ZCCHC14: variants seen among roughly 807,000 people sequenced by gnomAD.
The protein encoded by ZCCHC14 is zinc finger CCHC-type containing 14.
In ZCCHC14, 16 loss-of-function variants were observed where a neutral mutation model predicts 85.0. The observed-to-expected ratio is 0.19, with a 90% CI of 0.13 to 0.29. The LOEUF is 0.29. Ranked by LOEUF, ZCCHC14 falls within the 10% of genes least tolerant of loss-of-function variation. The pLI is 1.00. For missense variants in ZCCHC14, 1,303 were observed against 1,443.5 expected, an observed-to-expected ratio of 0.90 and a Z score of 1.58; for synonymous variants, 775 against 630.7, an observed-to-expected ratio of 1.23 and a Z score of -3.43.
At chr16:87,471,656 C>G (rs1911779121) in intron 1 of ZCCHC14, 2 of 152,404 alleles carry the variant, frequency 1.3e-5, no homozygotes, top group Non-Finnish European at 2.9e-5. Context: ...CATGGGACCT[C>G]TGGGGTAGGG....
intron 2 of ZCCHC14, among the ~76,000 whole-genome samples, chr16:87,442,568 T>C (rs917815671): frequency 6.6e-6 from 1 of 151,640 alleles, no homozygotes; most frequent in Admixed American, 6.6e-5. Flanking sequence ...AAATGAAAAT[T>C]TACAGAAAAA....
intron 10 of ZCCHC14, among the ~76,000 whole-genome samples, chr16:87,413,868 C>T (rs1908621353): frequency 6.6e-6 from 1 of 152,172 alleles, no homozygotes; most frequent in South Asian, 2.1e-4. Flanking sequence ...CACCCCCACG[C>T]GCTCGCTCTC....
chr16:87,460,477 C>G (rs1256188363), intron 1 of ZCCHC14, among the ~76,000 whole-genome samples: 1 of 152,096 alleles, frequency 6.6e-6, no homozygotes, highest in African/African-American at 2.4e-5. Context: ...ATCTCTTGAG[C>G]CCAGGAGTTC....
At chr16:87,452,315 G>A (rs1910744768) in intron 2 of ZCCHC14, among the ~76,000 whole-genome samples, 3 of 152,264 alleles carry the variant, frequency 2.0e-5, no homozygotes, top group African/African-American at 4.8e-5. Flanking sequence ...GGAGCTGGCA[G>A]CTCCATGCTG....
Position 87,412,034 on chromosome 16 carries a change from G to T in ZCCHC14, c.2687C>A (p.Ser896Ter). Reference protein sequence around the residue: ...GGGSTGNIPASNPNHHHHHHH... With the variant: ...GGGSTGNIPA Reference sequence around the variant, plus strand: ...GTGGTGGTGGTGGTGGTTCGGATTCGAGGCAGGAATGTTTCCTGTGGAGCC... The same window carrying T: ...GTGGTGGTGGTGGTGGTTCGGATTCTAGGCAGGAATGTTTCCTGTGGAGCC... The change falls in exon 12 of 13, where the codon TCG (serine) becomes TAG (stop). Residue 896 changes from serine to a stop codon, truncating the protein, a stop_gained. Coordinates refer to ENST00000671377, the MANE Select transcript of ZCCHC14 (RefSeq NM_015144.3). LOFTEE classifies it high-confidence loss of function. 1 of 1,609,344 alleles carries T rather than the reference G, an allele frequency of 6.2e-7. No homozygotes were observed.
At chr16:87,469,343 G>A (rs1402384416) in intron 1 of ZCCHC14, among the ~76,000 whole-genome samples, 1 of 152,238 alleles carries the variant, frequency 6.6e-6, no homozygotes, top group Non-Finnish European at 1.5e-5. Context: ...AAAACTGAAT[G>A]TCAGTTCCTA....
intron 1 of ZCCHC14, among the ~76,000 whole-genome samples, chr16:87,489,503 G>A (rs558367356): frequency 6.6e-6 from 1 of 152,342 alleles, no homozygotes; most frequent in South Asian, 2.1e-4. Context: ...GGAGAAAGCA[G>A]CATTTACTGC....
chr16:87,422,766 G>A (rs73240809), intron 4 of ZCCHC14, among the ~76,000 whole-genome samples: 1 of 151,740 alleles, frequency 6.6e-6, no homozygotes, highest in South Asian at 2.1e-4. Context: ...AAAACACTGA[G>A]ACAAAAGCCC....
chr16:87,460,186 C>T (rs537790717), intron 1 of ZCCHC14, 55 bp from the exon 2 acceptor site: 16 of 1,578,976 alleles, frequency 1.0e-5, no homozygotes, highest in Non-Finnish European at 1.4e-5. Flanking sequence ...TAATAGGGGA[C>T]AATTTTATTT....
intron 3 of ZCCHC14, among the ~76,000 whole-genome samples, chr16:87,426,272 T>G (rs983403388): frequency 2.6e-5 from 4 of 152,194 alleles, no homozygotes; most frequent in African/African-American, 9.7e-5. Flanking sequence ...GAGCATCCTC[T>G]TGTCATACCT....
intron 2 of ZCCHC14, among the ~76,000 whole-genome samples, chr16:87,455,871 T>TA (rs1910932880): frequency 6.6e-6 from 1 of 152,218 alleles, no homozygotes; most frequent in African/African-American, 2.4e-5. Flanking sequence ...GGCTGTGTGT[T>TA]AGATAATTTT....
intron 12 of ZCCHC14, 155 bp downstream of exon 12, chr16:87,411,361 T>G: frequency 6.6e-7 from 1 of 1,506,784 alleles, no homozygotes; most frequent in South Asian, 1.3e-5. Context: ...TCTGGGGACC[T>G]CACGGCCTAT....
In ZCCHC14 at chr16:87,486,056, T is replaced by C. The variant is rs993310390; in HGVS notation, c.570+5613A>G. Among the ~76,000 whole-genome samples the C allele has an allele frequency of 5.9e-5, 9 of 152,238 alleles. 1 individual carries two copies. The highest frequency in any genetic ancestry group is 4.6e-4 in the Admixed American group (7 of 15,286). On this transcript the variant is annotated intron_variant, in intron 1 of 12. Coordinates refer to ENST00000671377, the MANE Select transcript of ZCCHC14 (RefSeq NM_015144.3). Reference sequence around the variant, plus strand: ...TAGAAAACAGCAAAACTCAAATGTGTGTTCACCTAATGAGGCAAATGTGAA... The same window carrying C: ...TAGAAAACAGCAAAACTCAAATGTGCGTTCACCTAATGAGGCAAATGTGAA...
intron 10 of ZCCHC14, 121 bp from the exon 11 acceptor site, chr16:87,413,316 G>C: frequency 7.3e-7 from 1 of 1,377,512 alleles, no homozygotes; most frequent in East Asian, 2.5e-5. Flanking sequence ...GGCTCTGAGA[G>C]TCAGAAAACG....
At chr16:87,459,411 C>G (rs1911144335) in intron 2 of ZCCHC14, among the ~76,000 whole-genome samples, 2 of 151,572 alleles carry the variant, frequency 1.3e-5, no homozygotes, top group Admixed American at 1.3e-4. Flanking sequence ...GTGGCACGAT[C>G]TCGGCTCACT....
intron 3 of ZCCHC14, among the ~76,000 whole-genome samples, chr16:87,431,655 T>C (rs374335617): frequency 5.3e-5 from 8 of 152,264 alleles, no homozygotes; most frequent in Admixed American, 6.5e-5. Context: ...GCTATGACCA[T>C]ATGCGAAGAC....
intron 1 of ZCCHC14, among the ~76,000 whole-genome samples, chr16:87,481,347 A>C (rs1346937740): frequency 6.6e-6 from 1 of 152,020 alleles, no homozygotes; most frequent in Admixed American, 6.5e-5. Flanking sequence ...CTTGCATTCT[A>C]ACACAGATTT....
At position 87,492,907 on chromosome 16, in the gene ZCCHC14, CGCGGCGGCGGCG is replaced by C. The variant is rs766547110; in HGVS notation, c.-681_-670del. Among the ~76,000 whole-genome samples, 2 of 147,986 alleles carry C rather than the reference CGCGGCGGCGGCG, an allele frequency of 1.4e-5. No homozygotes were observed. Among genetic ancestry groups the C allele is most frequent in the Non-Finnish European group, 1.5e-5 (1 of 66,656 alleles). ...CGCGGCGGACGGATCCGGGCCCGAG[CGCGGCGGCGGCG>C]GCGACGGCGACGGCGACGGCGACGG... On this transcript the variant is annotated 5_prime_UTR_variant, in exon 1 of 13. Transcript: ENST00000671377. This position sits in a 1 kb window ranked among gnomAD's most constrained non-coding sequence, Gnocchi z 6.7.
At chr16:87,440,543 G>A (rs1215494998) in intron 2 of ZCCHC14, among the ~76,000 whole-genome samples, 1 of 152,120 alleles carries the variant, frequency 6.6e-6, no homozygotes, top group Non-Finnish European at 1.5e-5. Flanking sequence ...GCACCAAACA[G>A]GGAAGTATCC....
Sources: gnomAD v4.1 joint callset for allele counts (sites outside exome capture counted in the v4.1 genomes callset) on GRCh38, gnomAD v4.1.1 for gene constraint, Gnocchi (gnomAD v3.1) non-coding constraint, MANE v1.5 for transcripts, NCBI Gene and HGNC (gene_info 2026-07-23, HGNC 2026-07-21) for gene names.